The following ZDHHC14 variants were observed in gnomAD, a reference collection of about 807,000 sequenced individuals.
ZDHHC14 encodes the protein palmitoyltransferase ZDHHC14.
Under a neutral mutation model 47.7 loss-of-function variants are expected in ZDHHC14, and 16 were observed. The observed-to-expected ratio is 0.34, with a 90% CI of 0.23 to 0.51. The LOEUF is 0.51. ZDHHC14 is among the 20% of genes least tolerant of loss of function. The pLI is 0.97. For synonymous variants in ZDHHC14, 293 were observed against 278.9 expected, an observed-to-expected ratio of 1.05 and a Z score of -0.50; for missense variants, 515 against 662.5, an observed-to-expected ratio of 0.78 and a Z score of 2.44.
intron 3 of ZDHHC14, among the ~76,000 whole-genome samples, chr6:157,620,118 A>G (rs1785128211): frequency 6.6e-6 from 1 of 152,182 alleles, no homozygotes; most frequent in South Asian, 2.1e-4. Context: ...AATACCTGAG[A>G]CTATGTAATG....
chr6:157,576,922 G>C (rs1042099958), intron 2 of ZDHHC14, among the ~76,000 whole-genome samples: 2 of 152,096 alleles, frequency 1.3e-5, no homozygotes, highest in African/African-American at 4.8e-5. Flanking sequence ...TCTTATACAG[G>C]TAAACCGCGT....
At chr6:157,407,566 C>T (rs1777789052) in intron 1 of ZDHHC14, among the ~76,000 whole-genome samples, 1 of 152,142 alleles carries the variant, frequency 6.6e-6, no homozygotes, top group Admixed American at 6.6e-5. Flanking sequence ...ACTGCCCAAA[C>T]CAAGGCACTT....
chr6:157,448,534 T>G lies in ZDHHC14; in HGVS notation c.245+66268T>G, dbSNP rs1778732864. ...CCTACTCTTCCCCTCTGTTATCATC[T>G]TCCATTGATAATTTCCCAGAAATCA... On this transcript the variant is annotated intron_variant, in intron 1 of 8. Transcript: ENST00000359775. 1.3e-5 allele frequency among the ~76,000 whole-genome samples: 2 copies of G among 152,270 alleles called. 1 individual carries two copies. Among genetic ancestry groups the G allele is most frequent in the South Asian group, 4.1e-4 (2 of 4,834 alleles).
intron 1 of ZDHHC14, among the ~76,000 whole-genome samples, chr6:157,531,449 T>A (rs1781362953): frequency 6.6e-6 from 1 of 151,986 alleles, no homozygotes; most frequent in South Asian, 2.1e-4. Flanking sequence ...TCTCTGCAGG[T>A]CTCACTCCTG....
chr6:157,611,658 C>G (rs1784754428), intron 3 of ZDHHC14, among the ~76,000 whole-genome samples: 1 of 152,200 alleles, frequency 6.6e-6, no homozygotes, highest in Admixed American at 6.5e-5. Context: ...AGGGTGGACT[C>G]TGGCCAAGTG....
At chr6:157,603,175 C>T (rs913691720) in intron 3 of ZDHHC14, among the ~76,000 whole-genome samples, 2 of 152,168 alleles carry the variant, frequency 1.3e-5, no homozygotes, top group Non-Finnish European at 2.9e-5. Flanking sequence ...CTCTGTGGAA[C>T]GCTTTGTGAA....
At chr6:157,623,211 C>G (rs999050084) in intron 3 of ZDHHC14, among the ~76,000 whole-genome samples, 3 of 152,178 alleles carry the variant, frequency 2.0e-5, no homozygotes, top group South Asian at 4.2e-4. Context: ...AATTGTAGTT[C>G]CCATAATCCC....
chr6:157,645,949 A>G, intron 6 of ZDHHC14, 110 bp downstream of exon 6: 2 of 893,734 alleles, frequency 2.2e-6, no homozygotes, highest in Non-Finnish European at 3.4e-6. Context: ...CCCGTTCCAG[A>G]TGTGAGCCCT....
At chr6:157,383,583 A>T (rs1234973703) in intron 1 of ZDHHC14, among the ~76,000 whole-genome samples, 1 of 152,190 alleles carries the variant, frequency 6.6e-6, no homozygotes, top group Admixed American at 6.5e-5. Context: ...TTGTATCTGG[A>T]CACTGTGCGC....
At chr6:157,472,723 A>C (rs1187877900) in intron 1 of ZDHHC14, among the ~76,000 whole-genome samples, 1 of 152,194 alleles carries the variant, frequency 6.6e-6, no homozygotes, top group Non-Finnish European at 1.5e-5. Context: ...TTACTACAGA[A>C]AAATGAAGAA....
At chr6:157,593,223 C>T in intron 3 of ZDHHC14, 77 bp downstream of exon 3, 1 of 1,499,074 alleles carries the variant, frequency 6.7e-7, no homozygotes, top group Admixed American at 2.1e-5. Flanking sequence ...CCCTGCGCCA[C>T]GGAACACTCA....
intron 7 of ZDHHC14, among the ~76,000 whole-genome samples, chr6:157,651,792 G>A (rs540907382): frequency 2.0e-5 from 3 of 152,130 alleles, no homozygotes; most frequent in South Asian, 2.1e-4. Context: ...GGCTTGTCTC[G>A]AACTCCTGAC....
At chr6:157,435,574 C>G (rs1253339902) in intron 1 of ZDHHC14, among the ~76,000 whole-genome samples, 1 of 151,870 alleles carries the variant, frequency 6.6e-6, no homozygotes, top group African/African-American at 2.4e-5. Context: ...GGGTCTGGCT[C>G]TTTTGCCCAG....
intron 1 of ZDHHC14, among the ~76,000 whole-genome samples, chr6:157,512,792 A>C (rs900324296): frequency 1.3e-5 from 2 of 152,228 alleles, no homozygotes; most frequent in Non-Finnish European, 2.9e-5. Flanking sequence ...CTGTACACTC[A>C]TCAGAATGTA....
At chr6:157,445,175 T>C (rs1778639954) in intron 1 of ZDHHC14, among the ~76,000 whole-genome samples, 1 of 150,822 alleles carries the variant, frequency 6.6e-6, no homozygotes, top group Non-Finnish European at 1.5e-5. Context: ...ATCATCATCA[T>C]CATCATCATC....
chr6:157,477,872 T>G lies in ZDHHC14; in HGVS notation c.246-64713T>G, dbSNP rs557761057. 5.5e-4 allele frequency among the ~76,000 whole-genome samples: 84 copies of G among 152,340 alleles called. 1 individual carries two copies. Among genetic ancestry groups the G allele is most frequent in the African/African-American group, 2.0e-3 (84 of 41,578 alleles). ...AGGAACGTAGAAAGGTTTTTCCCACTTTTCCACTAGTATATTTGAGTTTTG... is the reference window on the plus strand; with the variant it reads ...AGGAACGTAGAAAGGTTTTTCCCACGTTTCCACTAGTATATTTGAGTTTTG... On this transcript the variant is annotated intron_variant, in intron 1 of 8. Transcript: ENST00000359775.
intron 1 of ZDHHC14, among the ~76,000 whole-genome samples, chr6:157,445,995 G>T (rs1321464906): frequency 6.6e-6 from 1 of 152,168 alleles, no homozygotes; most frequent in Non-Finnish European, 1.5e-5. Context: ...GTAGTGTGGG[G>T]TGCATGAGGG....
rs375817515 is a variant in ZDHHC14 at position 157,673,128 on chromosome 6, A to G, written c.*6A>G. 2.6e-6 allele frequency: 4 copies of G among 1,567,350 alleles called. No homozygotes were observed. Among genetic ancestry groups the G allele is most frequent in the Non-Finnish European group, 3.4e-6 (4 of 1,165,980 alleles). On this transcript the variant is annotated 3_prime_UTR_variant, in exon 9 of 9. Transcript: ENST00000359775. The surrounding 1 kb of genome is among the most constrained non-coding windows in gnomAD (Gnocchi z 5.4). ...TGAAGCTCAGCTCCGTGTGACCCACATGGCCCCAGGCCGGGGGACACCAGA... is the reference window on the plus strand; with the variant it reads ...TGAAGCTCAGCTCCGTGTGACCCACGTGGCCCCAGGCCGGGGGACACCAGA...
chr6:157,419,266 G>A (rs778059859), intron 1 of ZDHHC14, among the ~76,000 whole-genome samples: 18 of 152,056 alleles, frequency 1.2e-4, no homozygotes, highest in Non-Finnish European at 2.4e-4. Flanking sequence ...ACAGTTTAGG[G>A]TTTACTCTTT....
Sources: gnomAD v4.1 joint callset for allele counts (sites outside exome capture counted in the v4.1 genomes callset) on GRCh38, gnomAD v4.1.1 for gene constraint, Gnocchi (gnomAD v3.1) non-coding constraint, MANE v1.5 for transcripts, NCBI Gene and HGNC (gene_info 2026-07-23, HGNC 2026-07-21) for gene names.